The following POM121 variants were observed in gnomAD, a reference collection of about 807,000 sequenced individuals.
POM121 encodes the protein nuclear envelope pore membrane protein POM 121.
In POM121, 32 loss-of-function variants were observed where a neutral mutation model predicts 81.3. The ratio of observed to expected loss-of-function variants is 0.39; its 90% CI spans 0.30 to 0.53. POM121 has a LOEUF of 0.53. POM121 is among the 20% of genes least tolerant of loss of function. The pLI is 0.66. For missense variants in POM121, 1,138 were observed against 1,614.6 expected, an observed-to-expected ratio of 0.70 and a Z score of 5.06; for synonymous variants, 514 against 694.2, an observed-to-expected ratio of 0.74 and a Z score of 4.08.
chr7:72,897,424 G>A (rs1306480484), intron 3 of POM121, among the ~76,000 whole-genome samples: 12 of 152,196 alleles, frequency 7.9e-5, no homozygotes, highest in Admixed American at 1.3e-4. Context: ...CAAAGGCAAA[G>A]GTGGAGAGAG....
chr7:72,900,526 A>G (rs1792504189), intron 3 of POM121, among the ~76,000 whole-genome samples: 1 of 151,954 alleles, frequency 6.6e-6, no homozygotes, highest in South Asian at 2.1e-4. Context: ...ATTTTTTGAG[A>G]TGGAGTCTTG....
In POM121 at chr7:72,943,278, A is replaced by G. The variant is rs1554502322; in HGVS notation, c.3285A>G (p.Ser1095=). The G allele has an allele frequency of 5.0e-6, 8 of 1,608,534 alleles. No homozygotes were observed. In the African/African-American group the frequency reaches 5.4e-5, roughly 11 times the overall value. ...SSSVFGSTTP[S]PFTFGGSAAP... ...CGGTGTTTGGCAGCACAACACCATC[A>G]CCCTTCACGTTTGGGGGTTCGGCAG... The change falls in exon 11 of 13, where the codon TCA becomes TCG. Residue 1095 remains serine, a synonymous_variant. Transcript: ENST00000434423.
chr7:72,939,257 G>C, intron 6 of POM121, 79 bp from the exon 7 acceptor site: 2 of 1,553,938 alleles, frequency 1.3e-6, no homozygotes, highest in Non-Finnish European at 1.7e-6. Flanking sequence ...CCACTTGGTA[G>C]TTAGGAGGGT....
In POM121 at chr7:72,940,799, CCTTT is replaced by C. The variant is rs781856903; in HGVS notation, c.1667-6_1667-3del. On this transcript the variant is annotated splice_polypyrimidine_tract_variant and intron_variant, in intron 9 of 12. Transcript: ENST00000434423. ...TCCCAGACAAGCCAGGACTGCTTCA[CCTTT>C]CTTTCTTTCTTAGATGCTGCCTCGA... is the stretch of plus-strand genomic sequence containing the variant. 24 of 1,070,642 alleles carry C rather than the reference CCTTT, an allele frequency of 2.2e-5. No homozygotes were observed. The highest frequency in any genetic ancestry group is 3.2e-5 in the Non-Finnish European group (23 of 718,128). 66.3% of individuals were successfully genotyped at this position (1,070,642 alleles called of 1,614,324 possible).
chr7:72,921,449 GCCT>G (rs1327340837), upstream of POM121, among the ~76,000 whole-genome samples: 3 of 152,026 alleles, frequency 2.0e-5, no homozygotes, highest in Admixed American at 2.0e-4. Flanking sequence ...CCTGATCTCT[GCCT>G]CCTCAGCCCG....
intron 5 of POM121, among the ~76,000 whole-genome samples, chr7:72,931,050 G>A (rs1795967777): frequency 6.6e-6 from 1 of 152,118 alleles, no homozygotes; most frequent in African/African-American, 2.4e-5. Context: ...TTTTTGAGAG[G>A]AGGAAGATTT....
chr7:72,914,340 G>A (rs1383828772), intron 4 of POM121, among the ~76,000 whole-genome samples: 4 of 152,172 alleles, frequency 2.6e-5, no homozygotes, highest in African/African-American at 4.8e-5. Flanking sequence ...CCCACATGTC[G>A]TGGACCAGAG....
chr7:72,879,885 G>A (rs1453256169), exon 1 of POM121: 5 of 513,476 alleles, frequency 9.7e-6, no homozygotes, highest in Non-Finnish European at 1.5e-5. Flanking sequence ...GCCCCAGGAG[G>A]GTAAGTCTTG....
At chr7:72,881,132 T>G (rs1790116597) in intron 1 of POM121, among the ~76,000 whole-genome samples, 1 of 148,546 alleles carries the variant, frequency 6.7e-6, no homozygotes, top group Non-Finnish European at 1.5e-5. Flanking sequence ...CAGCGTGGTC[T>G]CGGCTCACTG....
At chr7:72,948,427 C>A, downstream of POM121, 1 of 1,613,270 alleles carries the variant, frequency 6.2e-7, no homozygotes, top group Non-Finnish European at 8.5e-7. Flanking sequence ...CAGGGTCTTC[C>A]ACGGAGAGGA....
chr7:72,907,944 TG>T (rs1323965782), intron 3 of POM121, among the ~76,000 whole-genome samples: 1 of 152,208 alleles, frequency 6.6e-6, no homozygotes, highest in East Asian at 1.9e-4. Context: ...GTTGGTCAAA[TG>T]GGATTATTTC....
chr7:72,898,182 T>G (rs577730185), intron 3 of POM121, among the ~76,000 whole-genome samples: 1 of 152,286 alleles, frequency 6.6e-6, no homozygotes, highest in South Asian at 2.1e-4. Flanking sequence ...AGAAACCAGT[T>G]TGGTGGGAGA....
chr7:72,942,833 C>T lies in POM121; in HGVS notation c.2840C>T (p.Thr947Met), dbSNP rs201035224. 18 of 1,563,458 alleles carry T rather than the reference C, an allele frequency of 1.2e-5. No individual in the cohort carries two copies. Among genetic ancestry groups the T allele is most frequent in the Admixed American group, 1.9e-5 (1 of 52,062 alleles). Reference protein sequence around the residue: ...TLTFSNTSTPTFNIPFGSSAK... With the variant: ...TLTFSNTSTPMFNIPFGSSAK... ...ACGTTCAGTAACACGAGCACCCCCA[C>T]GTTCAACATTCCCTTTGGCTCAAGC... Residue 947 changes from threonine to methionine, a missense_variant, in exon 11 of 13, where the codon ACG becomes ATG. Around this residue, in one of 7 missense-constraint regions of POM121, gnomAD observed 45 missense variants for 75.7 expected, o/e 0.59. Transcript: ENST00000434423.
downstream of POM121, chr7:72,949,343 C>T (rs1554504267): frequency 5.0e-6 from 4 of 803,872 alleles, no homozygotes; most frequent in South Asian, 1.3e-5. Context: ...TCCAGCAGGA[C>T]ATAGTGGACC....
chr7:72,899,665 G>A (rs1414059177), intron 3 of POM121, among the ~76,000 whole-genome samples: 2 of 145,820 alleles, frequency 1.4e-5, no homozygotes, highest in South Asian at 2.2e-4. Flanking sequence ...TGCAAGCTCC[G>A]CCTCCAGGGT....
At chr7:72,929,907 A>G (rs372683521) in intron 4 of POM121, 33 bp from the exon 5 acceptor site, 12 of 1,530,114 alleles carry the variant, frequency 7.8e-6, no homozygotes, top group Non-Finnish European at 1.1e-5. Flanking sequence ...TTTTGCCTTC[A>G]ATAAAGCATC....
At chr7:72,941,687 G>C in intron 10 of POM121, 150 bp from the exon 11 acceptor site, 1 of 1,044,906 alleles carries the variant, frequency 9.6e-7, no homozygotes, top group Admixed American at 2.8e-5. Flanking sequence ...TTGATTTACT[G>C]TACAGGCCTG....
intron 3 of POM121, among the ~76,000 whole-genome samples, chr7:72,906,507 T>C (rs1248623960): frequency 6.6e-6 from 1 of 152,246 alleles, no homozygotes; most frequent in Non-Finnish European, 1.5e-5. Flanking sequence ...TTTCTGGTCA[T>C]GTTTCAGAGT....
chr7:72,918,503 C>G (rs1554495448), intron 4 of POM121, among the ~76,000 whole-genome samples: 1 of 151,894 alleles, frequency 6.6e-6, no homozygotes, highest in South Asian at 2.1e-4. Context: ...GATTGTAGAG[C>G]GAGGATTATT....
Sources: gnomAD v4.1 joint callset for allele counts (sites outside exome capture counted in the v4.1 genomes callset) on GRCh38, gnomAD v4.1.1 for gene constraint, gnomAD v4.1.1 regional missense constraint, MANE v1.5 for transcripts, NCBI Gene and HGNC (gene_info 2026-07-23, HGNC 2026-07-21) for gene names.